The following MED25 variants were observed in gnomAD, a reference collection of about 807,000 sequenced individuals.
The protein encoded by MED25 is mediator complex subunit 25.
MED25 carries 62 observed loss-of-function variants against 89.4 expected under a neutral mutation model. The observed-to-expected ratio is 0.69, with a 90% CI of 0.57 to 0.86. The LOEUF is 0.86. Among genes scored for constraint, MED25 ranks in the 40% least tolerant of loss-of-function variants. The pLI, the probability that MED25 is intolerant of heterozygous loss-of-function variation, is 0.00. For synonymous variants in MED25, 449 were observed against 427.9 expected (o/e 1.05, Z -0.61); for missense variants, 905 against 1,005.2 (o/e 0.90, Z 1.35).
At chr19:49,820,714 C>T (rs2073975838) in intron 3 of MED25, among the ~76,000 whole-genome samples, 1 of 152,230 alleles carries the variant, frequency 6.6e-6, no homozygotes, top group Non-Finnish European at 1.5e-5. Context: ...CAGCCTAATA[C>T]ATAGAACTTA....
chr19:49,832,287 C>A, intron 12 of MED25, 21 bp from the exon 13 acceptor site: 1 of 1,568,804 alleles, frequency 6.4e-7, no homozygotes, highest in Non-Finnish European at 8.7e-7. Context: ...GCATGCCAGC[C>A]GACTTCTGTG....
In MED25 at chr19:49,832,382, C is replaced by T. The variant is rs2074064733; in HGVS notation, c.1449C>T (p.Leu483=). 1 of 1,610,500 alleles carries T rather than the reference C, an allele frequency of 6.2e-7. No homozygotes were observed. The highest frequency in any genetic ancestry group is 8.5e-7 in the Non-Finnish European group (1 of 1,177,824). Residue 483 remains leucine (L), a synonymous_variant, in exon 13 of 18, where the codon CTC becomes CTT. Coordinates refer to ENST00000312865, the MANE Select transcript of MED25 (RefSeq NM_030973.4). ...TCACCAACAAGGACCTGGAGTCTCT[C>T]AAAGGCCTCTACCGCATCATGGGCA... ...FHFTNKDLES[L]KGLYRIMGNG...
Position 49,818,565 on chromosome 19 carries a change from TCA to T in MED25, c.135-3_135-2del. On this transcript the variant is annotated splice_region_variant and splice_polypyrimidine_tract_variant and intron_variant, in intron 1 of 17. Transcript: ENST00000312865. ...GACTCCGACCTTTCACTTCCTACCC[TCA>T]CAGGTATTTTAATGGTGGTCCTCCT... is the stretch of plus-strand genomic sequence containing the variant. 6.2e-7 allele frequency: 1 copy of T among 1,614,188 alleles called. No individual in the cohort carries two copies. Among genetic ancestry groups the T allele is most frequent in the Non-Finnish European group, 8.5e-7 (1 of 1,180,024 alleles).
chr19:49,838,182 G>A (rs1451592739), downstream of MED25, among the ~76,000 whole-genome samples: 1 of 152,204 alleles, frequency 6.6e-6, no homozygotes, highest in Non-Finnish European at 1.5e-5. Context: ...GAGAGAGATT[G>A]CAATCTGGTG....
chr19:49,831,372 C>T lies in MED25; in HGVS notation c.1141C>T (p.Pro381Ser), dbSNP rs751399299. The T allele has an allele frequency of 2.5e-6, 4 of 1,611,226 alleles. No individual in the cohort carries two copies. The African/African-American group carries it at 5.3e-5, about 22-fold the overall frequency. Residue 381 changes from proline to serine, a missense_variant, in exon 10 of 18, where the codon CCA becomes TCA. Physicochemically the swap from Pro to Ser is moderately conservative, Grantham distance 74. Transcript: ENST00000312865. This position sits in a 1 kb window ranked among gnomAD's most constrained non-coding sequence, Gnocchi z 5.0. ...CCCAGGAGGGGTGAGCGGCCCTTCC[C>T]CAGCCCAGCTGGGAGCCCCAGCCCT... is the stretch of plus-strand genomic sequence containing the variant. ...VAPGGVSGPS[P>S]AQLGAPALGG...
Position 49,829,979 on chromosome 19 carries a change from G to C in MED25, c.688+31G>C, listed in dbSNP as rs777630255. ...GCCTGGGCACCGTGCGCGGGGATGG[G>C]GGCTCGACGTGTTTCCCCAGCTCCC... On this transcript the variant is annotated intron_variant, in intron 6 of 17. Transcript: ENST00000312865. The surrounding 1 kb of genome is among the most constrained non-coding windows in gnomAD (Gnocchi z 4.6). The C allele has an allele frequency of 5.1e-5, 81 of 1,600,930 alleles. No homozygotes were observed. Among genetic ancestry groups the C allele is most frequent in the Non-Finnish European group, 6.2e-5 (73 of 1,171,390 alleles).
rs1454899996 is a variant in MED25 at position 49,829,767 on chromosome 19, C to T, written c.526-19C>T. 7.6e-6 allele frequency: 12 copies of T among 1,572,600 alleles called. No homozygotes were observed. Among genetic ancestry groups the T allele is most frequent in the Non-Finnish European group, 1.0e-5 (12 of 1,159,352 alleles). On this transcript the variant is annotated intron_variant, in intron 5 of 17. Coordinates refer to ENST00000312865, the MANE Select transcript of MED25 (RefSeq NM_030973.4). This position sits in a 1 kb window ranked among gnomAD's most constrained non-coding sequence, Gnocchi z 4.6. ...TTATGGAGGGGGCCCGTCATGACTGCTCGGCCCCTCTCCTACAGCGGGGGA... is the reference window on the plus strand; with the variant it reads ...TTATGGAGGGGGCCCGTCATGACTGTTCGGCCCCTCTCCTACAGCGGGGGA...
intron 3 of MED25, among the ~76,000 whole-genome samples, chr19:49,823,698 G>A (rs1354534034): frequency 1.3e-5 from 2 of 152,152 alleles, no homozygotes; most frequent in Non-Finnish European, 2.9e-5. Context: ...GTATGTGCGT[G>A]CAAGTGCTGG....
In MED25 at chr19:49,830,431, G is replaced by A; in HGVS notation, c.820-80G>A. 3 of 1,430,752 alleles carry A rather than the reference G, an allele frequency of 2.1e-6. No homozygotes were observed. Among genetic ancestry groups the A allele is most frequent in the Non-Finnish European group, 2.9e-6 (3 of 1,019,558 alleles). The allele number at this position is 1,430,752 out of a possible 1,614,324, so 88.6% of individuals were successfully genotyped here. On this transcript the variant is annotated intron_variant, in intron 7 of 17. Coordinates refer to ENST00000312865, the MANE Select transcript of MED25 (RefSeq NM_030973.4). The surrounding 1 kb of genome is among the most constrained non-coding windows in gnomAD (Gnocchi z 4.6). ...CAGCTGGTGCCTCATGGGGCCATGG[G>A]TGGTGTGACCTCGTGGGATACCAGG...
At chr19:49,818,858 T>TG (rs1359313542) in intron 2 of MED25, 1 of 576,220 alleles carries the variant, frequency 1.7e-6, no homozygotes, top group African/African-American at 2.0e-5. Context: ...CCCAGATCCC[T>TG]GGGTCTGAGG....
In MED25 at chr19:49,836,828, C is replaced by T. The variant is rs774083011; in HGVS notation, c.2147-19C>T. On this transcript the variant is annotated intron_variant, in intron 17 of 17. Coordinates refer to ENST00000312865, the MANE Select transcript of MED25 (RefSeq NM_030973.4). This position sits in a 1 kb window ranked among gnomAD's most constrained non-coding sequence, Gnocchi z 5.1. Reference sequence around the variant, plus strand: ...AAGGGCCTACTGGGAGATGCAGTCCCTTCCCCACTGCCCCTCAGGTCAGAT... The same window carrying T: ...AAGGGCCTACTGGGAGATGCAGTCCTTTCCCCACTGCCCCTCAGGTCAGAT... 2.9e-5 allele frequency: 47 copies of T among 1,597,236 alleles called. No individual in the cohort carries two copies. The highest frequency in any genetic ancestry group is 5.4e-5 in the African/African-American group (4 of 74,608).
Position 49,831,911 on chromosome 19 carries a change from T to G in MED25, c.1231-25T>G. 1 of 1,609,172 alleles carries G rather than the reference T, an allele frequency of 6.2e-7. No individual in the cohort carries two copies. The highest frequency in any genetic ancestry group is 8.5e-7 in the Non-Finnish European group (1 of 1,175,524). ...GACTGAGGCTTATGGCCCTTTTTAC[T>G]GACATGCTCTTTTTTCCCCCTCAGA... On this transcript the variant is annotated intron_variant, in intron 10 of 17. Coordinates refer to ENST00000312865, the MANE Select transcript of MED25 (RefSeq NM_030973.4). This position sits in a 1 kb window ranked among gnomAD's most constrained non-coding sequence, Gnocchi z 5.0.
At position 49,829,159 on chromosome 19, in the gene MED25, C is replaced by G. The variant is rs2074035568; in HGVS notation, c.525+69C>G. 1 of 1,419,448 alleles carries G rather than the reference C, an allele frequency of 7.0e-7. No individual in the cohort carries two copies. The highest frequency in any genetic ancestry group is 1.2e-5 in the South Asian group (1 of 83,848). The allele number at this position is 1,419,448 out of a possible 1,614,324, so 87.9% of individuals were successfully genotyped here. ...AGTCTTGGGTCTGAGGCAGGAGGCA[C>G]TGAGGGCCTGGACTCCTGGGTCTGA... On this transcript the variant is annotated intron_variant, in intron 5 of 17. Transcript: ENST00000312865. The surrounding 1 kb of genome is among the most constrained non-coding windows in gnomAD (Gnocchi z 4.6).
rs947826598 is a variant in MED25 at position 49,834,840 on chromosome 19, T to C, written c.1483-146T>C. 1.7e-5 allele frequency: 14 copies of C among 817,552 alleles called. No individual in the cohort carries two copies. Among genetic ancestry groups the C allele is most frequent in the African/African-American group, 5.0e-5 (3 of 59,542 alleles). The allele number at this position is 817,552 out of a possible 1,614,324, so 50.6% of individuals were successfully genotyped here. A position where few individuals can be genotyped will look rare whatever the true frequency, so the allele number is the denominator to read the frequency against. ...CAGTTTCTGTCTCCAGAGCAACCCATAGCACACCTGTTCTCCTTAACCTTC... is the reference window on the plus strand; with the variant it reads ...CAGTTTCTGTCTCCAGAGCAACCCACAGCACACCTGTTCTCCTTAACCTTC... On this transcript the variant is annotated intron_variant, in intron 13 of 17. Transcript: ENST00000312865. This position sits in a 1 kb window ranked among gnomAD's most constrained non-coding sequence, Gnocchi z 4.1.
chr19:49,819,309 C>G lies in MED25; in HGVS notation c.305+13C>G. ...TCGATGGCATTAAGTGAGCTTTCCC[C>G]CACTTGGGGTGGGTTGCTGGTCCCT... On this transcript the variant is annotated intron_variant, in intron 3 of 17. Coordinates refer to ENST00000312865, the MANE Select transcript of MED25 (RefSeq NM_030973.4). 1 of 1,420,472 alleles carries G rather than the reference C, an allele frequency of 7.0e-7. No individual in the cohort carries two copies. Among genetic ancestry groups the G allele is most frequent in the South Asian group, 1.2e-5 (1 of 85,754 alleles). The allele number at this position is 1,420,472 out of a possible 1,614,324, so 88.0% of individuals were successfully genotyped here. A position where few individuals can be genotyped will look rare whatever the true frequency, so the allele number is the denominator to read the frequency against.
At chr19:49,828,174 A>G (rs907280339) in intron 3 of MED25, among the ~76,000 whole-genome samples, 7 of 152,064 alleles carry the variant, frequency 4.6e-5, no homozygotes, top group Admixed American at 1.3e-4. Context: ...GCTTGCAGTG[A>G]ACTGAGATCA....
chr19:49,832,443 G>A, intron 13 of MED25, 28 bp downstream of exon 13: 1 of 1,298,814 alleles, frequency 7.7e-7, no homozygotes, highest in Non-Finnish European at 1.1e-6. Context: ...GGGGCCGAGG[G>A]GTGTTGACTC....
Position 49,818,352 on chromosome 19 carries a change from G to T in MED25, c.11G>T (p.Gly4Val). The change falls in exon 1 of 18, where the codon GGG (glycine) becomes GTG (valine). Residue 4 changes from glycine to valine, a missense_variant. This residue lies in a region of MED25 where 501 missense variants were observed against 526.9 expected (regional missense o/e 0.95). Transcript: ENST00000312865. ...GGTACCGCACGGGGTATGGTCCCCG[G>T]GTCCGAGGGCCCGGCCCGCGCCGGG... MVP[G>V]SEGPARAGSV... 1 of 1,596,210 alleles carries T rather than the reference G, an allele frequency of 6.3e-7. No individual in the cohort carries two copies. The highest frequency in any genetic ancestry group is 1.1e-5 in the South Asian group (1 of 89,864).
intron 3 of MED25, chr19:49,819,498 C>T (rs577478138): frequency 1.6e-6 from 1 of 611,586 alleles, no homozygotes; most frequent in African/African-American, 1.8e-5. Flanking sequence ...TGAGCGATGG[C>T]TTGGGTTTGA....
Sources: allele counts gnomAD v4.1 joint callset (sites outside exome capture counted in the v4.1 genomes callset), GRCh38; gene constraint gnomAD v4.1.1; regional missense constraint gnomAD v4.1.1; non-coding constraint Gnocchi (gnomAD v3.1); transcripts MANE v1.5; gene names NCBI Gene and HGNC (gene_info 2026-07-23, HGNC 2026-07-21).